RAPGEF5: variants seen among roughly 807,000 people sequenced by gnomAD.
The protein encoded by RAPGEF5 is Rap guanine nucleotide exchange factor 5, also known as M-Ras-regulated GEF.
Under a neutral mutation model 125.2 loss-of-function variants are expected in RAPGEF5, and 65 were observed. That is an observed-to-expected ratio of 0.52 (90% confidence interval 0.43 to 0.64). The LOEUF is 0.64. Ranked by LOEUF, RAPGEF5 falls within the 30% of genes least tolerant of loss-of-function variation. The probability of loss-of-function intolerance (pLI) is 0.00; values close to 1 mark genes in which losing one functional copy is unlikely to be tolerated. For synonymous variants in RAPGEF5, 391 were observed against 385.9 expected, an observed-to-expected ratio of 1.01 and a Z score of -0.16; for missense variants, 958 against 1,048.1, an observed-to-expected ratio of 0.91 and a Z score of 1.19.
At chr7:22,214,411 C>G (rs564497863) in intron 9 of RAPGEF5, among the ~76,000 whole-genome samples, 1 of 152,250 alleles carries the variant, frequency 6.6e-6, no homozygotes, top group East Asian at 1.9e-4. Context: ...CTGCTCATTT[C>G]TACAGTTGGA....
At chr7:22,135,678 G>A (rs1323983180) in intron 23 of RAPGEF5, among the ~76,000 whole-genome samples, 1 of 152,140 alleles carries the variant, frequency 6.6e-6, no homozygotes, top group Non-Finnish European at 1.5e-5. Flanking sequence ...GAACATGATT[G>A]ATCACCATTT....
chr7:22,167,547 G>C lies in RAPGEF5; in HGVS notation c.1205-399C>G, dbSNP rs1315269890. Among the ~76,000 whole-genome samples the C allele has an allele frequency of 2.0e-5, 3 of 152,160 alleles. No homozygotes were observed. In the East Asian group the frequency reaches 5.8e-4, roughly 29 times the overall value. ...CCTACGGGGAATAAAGCCTTCATGT[G>C]TTAATAAATTAAGGTTTTTTCCAAA... On this transcript the variant is annotated intron_variant, in intron 11 of 25. Coordinates refer to ENST00000665637, the MANE Select transcript of RAPGEF5 (RefSeq NM_012294.5).
intron 7 of RAPGEF5, among the ~76,000 whole-genome samples, chr7:22,248,535 G>C (rs1353120902): frequency 2.0e-5 from 3 of 152,086 alleles, no homozygotes; most frequent in Non-Finnish European, 2.9e-5. Flanking sequence ...ACTTCCCTGA[G>C]GACCACAGGC....
At chr7:22,149,134 C>T (rs1327454819) in intron 18 of RAPGEF5, among the ~76,000 whole-genome samples, 1 of 152,178 alleles carries the variant, frequency 6.6e-6, no homozygotes, top group Non-Finnish European at 1.5e-5. Flanking sequence ...TACTCAGCCT[C>T]TCTCGTGGGG....
intron 18 of RAPGEF5, among the ~76,000 whole-genome samples, chr7:22,147,387 G>C (rs1313784154): frequency 6.6e-6 from 1 of 152,168 alleles, no homozygotes; most frequent in Non-Finnish European, 1.5e-5. Flanking sequence ...TGTGCCGGCA[G>C]GGTTAGCATA....
chr7:22,332,582 A>C (rs1783943882), intron 1 of RAPGEF5, among the ~76,000 whole-genome samples: 1 of 152,240 alleles, frequency 6.6e-6, no homozygotes, highest in Admixed American at 6.5e-5. Context: ...CCATGCTAAC[A>C]AGAGGTTTTC....
chr7:22,290,308 T>C (rs1016880413), intron 6 of RAPGEF5, among the ~76,000 whole-genome samples: 2 of 152,188 alleles, frequency 1.3e-5, no homozygotes, highest in Non-Finnish European at 2.9e-5. Context: ...GCCAAGTCAA[T>C]AGGTACAAGT....
chr7:22,315,567 A>T lies in RAPGEF5; in HGVS notation c.283-91T>A, dbSNP rs554972000. 2.8e-5 allele frequency: 13 copies of T among 461,248 alleles called. 1 individual carries two copies. Among genetic ancestry groups the T allele is most frequent in the East Asian group, 2.5e-4 (2 of 7,924 alleles). 28.6% of individuals were successfully genotyped at this position (461,248 alleles called of 1,614,324 possible). A position where few individuals can be genotyped will look rare whatever the true frequency, so the allele number is the denominator to read the frequency against. ...GCATACTATATATATATATATATAT[A>T]TTTATATATATTCATATATTTATAT... On this transcript the variant is annotated intron_variant, in intron 2 of 25. Transcript: ENST00000665637.
intron 5 of RAPGEF5, among the ~76,000 whole-genome samples, chr7:22,296,638 T>C (rs147333710): frequency 1.4e-3 from 209 of 152,254 alleles, no homozygotes; most frequent in Non-Finnish European, 2.7e-3. Context: ...GGCTTACCTA[T>C]GAAAGGTATG....
intron 8 of RAPGEF5, among the ~76,000 whole-genome samples, chr7:22,228,424 A>G (rs1030095636): frequency 6.6e-6 from 1 of 152,212 alleles, no homozygotes; most frequent in African/African-American, 2.4e-5. Context: ...TAAGTGTTAT[A>G]TACAATAATA....
At chr7:22,333,630 A>G (rs1407582966) in intron 1 of RAPGEF5, among the ~76,000 whole-genome samples, 3 of 152,190 alleles carry the variant, frequency 2.0e-5, no homozygotes, top group African/African-American at 7.2e-5. Flanking sequence ...GGATGGTGTA[A>G]GGTATATGAA....
chr7:22,317,283 C>T (rs1255894580), intron 2 of RAPGEF5, among the ~76,000 whole-genome samples: 2 of 150,036 alleles, frequency 1.3e-5, no homozygotes, highest in Admixed American at 1.3e-4. Context: ...CTCTGTTGCC[C>T]AGGCTGGAGT....
chr7:22,208,829 C>A (rs1238615719), intron 9 of RAPGEF5, among the ~76,000 whole-genome samples: 1 of 152,190 alleles, frequency 6.6e-6, no homozygotes, highest in Admixed American at 6.5e-5. Context: ...TCCAAAGATT[C>A]TAGGGAAGAA....
intron 1 of RAPGEF5, among the ~76,000 whole-genome samples, chr7:22,325,501 C>T (rs946478409): frequency 2.0e-5 from 3 of 152,162 alleles, no homozygotes; most frequent in African/African-American, 7.2e-5. Context: ...ATAGAGAGTG[C>T]AGAGTGTGCA....
At chr7:22,161,748 T>C (rs182173183) in intron 13 of RAPGEF5, among the ~76,000 whole-genome samples, 45 of 152,366 alleles carry the variant, frequency 3.0e-4, no homozygotes, top group African/African-American at 8.9e-4. Context: ...AGGCTGAGTC[T>C]ATTTAGGCAG....
chr7:22,204,193 T>C (rs1286171747), intron 9 of RAPGEF5, among the ~76,000 whole-genome samples: 1 of 152,202 alleles, frequency 6.6e-6, no homozygotes. Flanking sequence ...ACTTCTCCTC[T>C]CAAATTCCTC....
intron 11 of RAPGEF5, among the ~76,000 whole-genome samples, chr7:22,169,881 A>AAAAAAAAAAG (rs1784295492): frequency 6.8e-5 from 10 of 147,668 alleles, no homozygotes; most frequent in Non-Finnish European, 1.0e-4. Flanking sequence ...AAAAAAAAAA[A>AAAAAAAAAAG]GCTGAATCTT....
chr7:22,302,120 T>C (rs1783221458), intron 5 of RAPGEF5, among the ~76,000 whole-genome samples: 1 of 152,240 alleles, frequency 6.6e-6, no homozygotes. Context: ...CTGTTCATCT[T>C]CCTCACCTAA....
intron 9 of RAPGEF5, among the ~76,000 whole-genome samples, chr7:22,218,459 C>A (rs1360854898): frequency 3.3e-5 from 5 of 152,082 alleles, no homozygotes; most frequent in East Asian, 1.9e-4. Flanking sequence ...ATTTTAAGAA[C>A]CATAAGGAAA....
Sources: allele counts gnomAD v4.1 joint callset (sites outside exome capture counted in the v4.1 genomes callset), GRCh38; gene constraint gnomAD v4.1.1; transcripts MANE v1.5; gene names NCBI Gene and HGNC (gene_info 2026-07-23, HGNC 2026-07-21).